Variants in ITGA7 observed in about 807,000 individuals in gnomAD.
The protein encoded by ITGA7 is integrin alpha-7.
In ITGA7, 84 loss-of-function variants were observed where a neutral mutation model predicts 131.6. That is an observed-to-expected ratio of 0.64 (90% CI 0.54 to 0.77). ITGA7 has a LOEUF of 0.77. ITGA7 is among the 30% of genes least tolerant of loss of function. The pLI is 0.00. For missense variants in ITGA7, 1,399 were observed against 1,482.9 expected, an observed-to-expected ratio of 0.94 and a Z score of 0.93; for synonymous variants, 548 against 600.7, an observed-to-expected ratio of 0.91 and a Z score of 1.28.
chr12:55,686,847 G>A (rs1045110288), intron 24 of ITGA7, among the ~76,000 whole-genome samples: 5 of 152,210 alleles, frequency 3.3e-5, no homozygotes, highest in African/African-American at 1.2e-4. Flanking sequence ...CTCCGTGCTT[G>A]TTGGCCTTCT....
chr12:55,710,111 A>G (rs1387595046), upstream of ITGA7, among the ~76,000 whole-genome samples: 1 of 152,246 alleles, frequency 6.6e-6, no homozygotes, highest in Non-Finnish European at 1.5e-5. Context: ...CTATAATCCC[A>G]GCACTTTGGG....
In ITGA7 at chr12:55,698,508, T is replaced by C. The variant is rs1420442753; in HGVS notation, c.1067A>G (p.Tyr356Cys). The part of the protein sequence containing the change: ...ERQEELGGAV[Y>C]VYLNQGGHWA... ...GTGACCCCCCTGGTTCAAGTACACA[T>C]ACACAGCACCCCCCAGCTCTTCTTG... is the stretch of plus-strand genomic sequence containing the variant. The change falls in exon 7 of 25, where the codon TAT becomes TGT. Residue 356 changes from tyrosine (Y) to cysteine (C), a missense_variant. Physicochemically the swap from Tyr to Cys is radical, Grantham distance 194. Transcript: ENST00000257879. 2 of 1,613,898 alleles carry C rather than the reference T, an allele frequency of 1.2e-6. No homozygotes were observed. The highest frequency in any genetic ancestry group is 2.2e-5 in the East Asian group (1 of 44,834).
Position 55,688,019 on chromosome 12 carries a change from T to C in ITGA7, c.3135A>G (p.Val1045=), listed in dbSNP as rs1388892503. 2.5e-6 allele frequency: 4 copies of C among 1,613,968 alleles called. No homozygotes were observed. Among genetic ancestry groups the C allele is most frequent in the African/African-American group, 2.7e-5 (2 of 74,880 alleles). ...GVPWWVILLA[V]LAGLLVLALL... ...GTGCTAGCACCAGCAGCCCAGCCAGTACAGCCAGGAGGATGACCCACCAGG... is the reference window on the plus strand; with the variant it reads ...GTGCTAGCACCAGCAGCCCAGCCAGCACAGCCAGGAGGATGACCCACCAGG... The change falls in exon 24 of 25, where the codon GTA becomes GTG. Residue 1045 remains valine (V), a synonymous_variant. Coordinates refer to ENST00000257879, the MANE Select transcript of ITGA7 (RefSeq NM_002206.3).
upstream of ITGA7, among the ~76,000 whole-genome samples, chr12:55,710,083 G>C (rs977894859): frequency 6.6e-6 from 1 of 152,198 alleles, no homozygotes; most frequent in African/African-American, 2.4e-5. Context: ...AGACGGGGCC[G>C]GGCGCGGTGG....
Position 55,698,738 on chromosome 12 carries a change from G to C in ITGA7, c.970C>G (p.Leu324Val), listed in dbSNP as rs372497866. ...ERLTSGFGYS[L>V]AVADLNSDGW... ...TCACTGTTGAGGTCAGCCACAGCCA[G>C]TGAGTAGCCAAAGCCGGAGGTCAGG... Residue 324 changes from leucine (L) to valine (V), a missense_variant, in exon 6 of 25, where the codon CTG becomes GTG. Coordinates refer to ENST00000257879, the MANE Select transcript of ITGA7 (RefSeq NM_002206.3). 1 of 1,614,132 alleles carries C rather than the reference G, an allele frequency of 6.2e-7. No homozygotes were observed. The highest frequency in any genetic ancestry group is 8.5e-7 in the Non-Finnish European group (1 of 1,180,016).
rs769129367 is a variant in ITGA7 at position 55,707,512 on chromosome 12, G to A, written c.171C>T (p.Ala57=). ...GTCGGGGCTGCAACTGCCGGTGCAG[G>A]GCCACAGAGAAGCCGAAGAGGCTGC... is the stretch of plus-strand genomic sequence containing the variant. ...EPGSLFGFSV[A]LHRQLQPRPQ... Residue 57 remains alanine, a synonymous_variant, in exon 1 of 25, where the codon GCC becomes GCT. Coordinates refer to ENST00000257879, the MANE Select transcript of ITGA7 (RefSeq NM_002206.3). The A allele has an allele frequency of 1.9e-6, 3 of 1,613,890 alleles. No homozygotes were observed. The highest frequency in any genetic ancestry group is 1.3e-5 in the African/African-American group (1 of 75,034).
intron 10 of ITGA7, 32 bp downstream of exon 10, chr12:55,697,417 GCC>G: frequency 6.2e-7 from 1 of 1,602,742 alleles, no homozygotes; most frequent in African/African-American, 1.3e-5. Context: ...AGGGGAAGCT[GCC>G]AGGGTCCAGG....
chr12:55,707,919 C>G (rs893749218), upstream of ITGA7: 5 of 1,396,194 alleles, frequency 3.6e-6, no homozygotes, highest in African/African-American at 4.5e-5. Flanking sequence ...GCTCCCGCCT[C>G]CTCTCCCGGG....
chr12:55,700,356 C>T (rs752349074), intron 4 of ITGA7: 22 of 1,610,338 alleles, frequency 1.4e-5, no homozygotes, highest in South Asian at 4.4e-5. Context: ...GTGCCAGGTC[C>T]GCTGAGCCCT....
chr12:55,687,169 CTTTTT>C (rs1187388992), intron 24 of ITGA7, among the ~76,000 whole-genome samples: 83 of 88,170 alleles, frequency 9.4e-4, no homozygotes, highest in East Asian at 6.4e-3. Flanking sequence ...CATCTGATTT[CTTTTT>C]TTTTTTTTTT....
upstream of ITGA7, chr12:55,716,194 A>G (rs1284154008): frequency 5.0e-6 from 8 of 1,608,206 alleles, no homozygotes. Flanking sequence ...AAGGAGCTGC[A>G]GGGTGAGCCA....
At chr12:55,696,476 C>T in intron 12 of ITGA7, 44 bp from the exon 13 acceptor site, 1 of 1,571,636 alleles carries the variant, frequency 6.4e-7, no homozygotes, top group Non-Finnish European at 8.7e-7. Flanking sequence ...AATCCCCAGG[C>T]CTCAGCCCTG....
rs142311782 is a variant in ITGA7, at chr12:55,696,914, G to T, written c.1722C>A (p.Ala574=). Residue 574 remains alanine, a synonymous_variant, in exon 12 of 25, where the codon GCC becomes GCA. Transcript: ENST00000257879. ...KHQHDRVCGD[A]MFQLQENVKD... ...CAGTGTCCACCTGGAGCTGGAACAT[G>T]GCGTCTCCACAGACTCGGTCATGCT... is the stretch of plus-strand genomic sequence containing the variant. 1.2e-4 allele frequency: 191 copies of T among 1,614,176 alleles called. No homozygotes were observed. In the African/African-American group the frequency reaches 2.4e-3, roughly 20 times the overall value.
intron 22 of ITGA7, 143 bp from the exon 23 acceptor site, chr12:55,688,443 G>C: frequency 1.3e-6 from 1 of 755,278 alleles, no homozygotes; most frequent in South Asian, 1.5e-5. Flanking sequence ...GCTGCGTTTG[G>C]GCTGGGCACA....
upstream of ITGA7, chr12:55,708,074 C>T: frequency 1.0e-6 from 1 of 974,202 alleles, no homozygotes; most frequent in Non-Finnish European, 1.2e-6. Flanking sequence ...CCCCCAAGCC[C>T]AGCACCGTCT....
Position 55,707,591 on chromosome 12 carries a change from GC to G in ITGA7, c.91del (p.Ala31LeufsTer8). 6.2e-7 allele frequency: 1 copy of G among 1,613,700 alleles called. No individual in the cohort carries two copies. The highest frequency in any genetic ancestry group is 8.5e-7 in the Non-Finnish European group (1 of 1,179,806). Reference sequence around the variant, plus strand: ...CATCACGTCCAGATTGAAGGCGACAGCCCGTGAGAAGAGCAGTTCGACGAGC... The same window carrying G: ...CATCACGTCCAGATTGAAGGCGACAGCCGTGAGAAGAGCAGTTCGACGAGC... Reference protein sequence around the residue: ...SLLVELLFSRAVAFNLDVMGA... With the variant: ...SLLVELLFSRXVAFNLDVMGA... On this transcript the variant is annotated frameshift_variant, in exon 1 of 25. Coordinates refer to ENST00000257879, the MANE Select transcript of ITGA7 (RefSeq NM_002206.3). LOFTEE classifies it high-confidence loss of function.
chr12:55,686,352 A>G, intron 24 of ITGA7: 2 of 1,222,774 alleles, frequency 1.6e-6, no homozygotes, highest in South Asian at 2.5e-5. Flanking sequence ...GAGGAAGCAG[A>G]GGATGGAAAG....
rs1873955731 is a variant in ITGA7, at chr12:55,701,272, C to A, written c.415-118G>T. ...ATACATGTGTGCTCACATGCACATG[C>A]ACATGCACACATACACACACACCCC... On this transcript the variant is annotated intron_variant, in intron 3 of 24. Coordinates refer to ENST00000257879, the MANE Select transcript of ITGA7 (RefSeq NM_002206.3). 7 of 1,566,360 alleles carry A rather than the reference C, an allele frequency of 4.5e-6. No homozygotes were observed. The East Asian group carries it at 1.6e-4, about 35-fold the overall frequency.
intron 1 of ITGA7, among the ~76,000 whole-genome samples, chr12:55,705,596 T>C (rs761016717): frequency 1.3e-5 from 2 of 152,262 alleles, no homozygotes; most frequent in East Asian, 3.8e-4. Context: ...GGAGGCCCTC[T>C]AGCCAAGCCT....
Sources: allele counts gnomAD v4.1 joint callset (sites outside exome capture counted in the v4.1 genomes callset), GRCh38; gene constraint gnomAD v4.1.1; transcripts MANE v1.5; gene names NCBI Gene and HGNC (gene_info 2026-07-23, HGNC 2026-07-21).